Variants in DNAJB6 observed in about 807,000 individuals in gnomAD.
The protein encoded by DNAJB6 is DnaJ heat shock protein family (Hsp40) member B6.
DNAJB6 carries 16 observed loss-of-function variants against 42.7 expected under a neutral mutation model. That is an observed-to-expected ratio of 0.37 (90% CI 0.25 to 0.57). The LOEUF is 0.57. DNAJB6 is among the 20% of genes least tolerant of loss of function. DNAJB6 has a pLI of 0.74. For synonymous variants in DNAJB6, 170 were observed against 163.5 expected, an observed-to-expected ratio of 1.04 and a Z score of -0.30; for missense variants, 347 against 416.8, an observed-to-expected ratio of 0.83 and a Z score of 1.46.
intron 3 of DNAJB6, among the ~76,000 whole-genome samples, chr7:157,364,454 T>G (rs996177452): frequency 6.6e-6 from 1 of 152,184 alleles, no homozygotes; most frequent in Non-Finnish European, 1.5e-5. Flanking sequence ...GAAAGTTTAT[T>G]TTTTTTAAAG....
At chr7:157,371,168 C>T (rs761767042) in intron 5 of DNAJB6, among the ~76,000 whole-genome samples, 1 of 152,200 alleles carries the variant, frequency 6.6e-6, no homozygotes, top group Non-Finnish European at 1.5e-5. Context: ...CTACCCCAAC[C>T]CATCACCCAC....
chr7:157,365,136 T>C (rs1337603162), intron 3 of DNAJB6, among the ~76,000 whole-genome samples: 1 of 152,208 alleles, frequency 6.6e-6, no homozygotes, highest in African/African-American at 2.4e-5. Context: ...GTATTGTGTT[T>C]AAAGGTGGGA....
Position 157,409,284 on chromosome 7 carries a change from G to C in DNAJB6, c.692-511G>C, listed in dbSNP as rs193272382. Among the ~76,000 whole-genome samples the C allele has an allele frequency of 1.5e-3, 228 of 152,330 alleles. 2 individuals carry two copies. The highest frequency in any genetic ancestry group is 6.2e-3 in the South Asian group (30 of 4,832). On this transcript the variant is annotated intron_variant, in intron 8 of 9. Coordinates refer to ENST00000262177, the MANE Select transcript of DNAJB6 (RefSeq NM_058246.4). ...GAGCTGGAGCTGCACTGGAGTGGCC[G>C]GGATGGCCCTGCCTTGGGCGGGGCT...
intron 8 of DNAJB6, among the ~76,000 whole-genome samples, chr7:157,406,946 G>A (rs1015233247): frequency 1.3e-5 from 2 of 152,232 alleles, no homozygotes; most frequent in African/African-American, 4.8e-5. Flanking sequence ...TTTGAGGGCG[G>A]GAAGCCCTGG....
chr7:157,389,632 C>CTAAAGTG (rs1177532813), intron 8 of DNAJB6, among the ~76,000 whole-genome samples: 2 of 152,174 alleles, frequency 1.3e-5, no homozygotes, highest in Non-Finnish European at 2.9e-5. Context: ...GGCCTTGGTA[C>CTAAAGTG]TAAAGTGTGA....
chr7:157,383,253 G>A (rs928103067), intron 6 of DNAJB6, among the ~76,000 whole-genome samples: 7 of 152,226 alleles, frequency 4.6e-5, no homozygotes, highest in African/African-American at 1.2e-4. Flanking sequence ...GGATCCACCC[G>A]TCTTGGCCTC....
chr7:157,345,587 T>A (rs2116873103), intron 1 of DNAJB6, among the ~76,000 whole-genome samples: 1 of 152,308 alleles, frequency 6.6e-6, no homozygotes, highest in Non-Finnish European at 1.5e-5. Context: ...GTTGTTTCAC[T>A]CCTGTGTCTT....
chr7:157,369,291 ATC>A (rs958769971), intron 5 of DNAJB6: 43 of 456,624 alleles, frequency 9.4e-5, no homozygotes, highest in African/African-American at 8.4e-4. Flanking sequence ...TTACGGATTG[ATC>A]TCTGTCTTAA....
chr7:157,358,438 G>A (rs1318995048), intron 1 of DNAJB6, 109 bp from the exon 2 acceptor site: 4 of 669,818 alleles, frequency 6.0e-6, no homozygotes, highest in Non-Finnish European at 1.1e-5. Context: ...CTGTAGGCCA[G>A]TAGGTGCTAA....
chr7:157,389,306 G>T (rs1217177620), intron 8 of DNAJB6, among the ~76,000 whole-genome samples: 2 of 152,194 alleles, frequency 1.3e-5, no homozygotes, highest in Non-Finnish European at 2.9e-5. Context: ...ATTTGCAGAG[G>T]ATTCAACGGT....
intron 8 of DNAJB6, among the ~76,000 whole-genome samples, chr7:157,392,182 C>T (rs1801378858): frequency 6.6e-6 from 1 of 151,370 alleles, no homozygotes; most frequent in Admixed American, 6.6e-5. Flanking sequence ...GGGTCTGTGT[C>T]CTCACGCTTG....
At chr7:157,379,320 A>T (rs540621896) in intron 5 of DNAJB6, 1 of 152,322 alleles carries the variant, frequency 6.6e-6, no homozygotes, top group East Asian at 1.9e-4. Context: ...GTTGCCATGG[A>T]TTTAAAGAAA....
chr7:157,342,015 C>T (rs912157444), intron 1 of DNAJB6, among the ~76,000 whole-genome samples: 4 of 151,910 alleles, frequency 2.6e-5, no homozygotes, highest in South Asian at 2.1e-4. Flanking sequence ...TACAGGCGTT[C>T]GCCACTACAC....
chr7:157,366,420 T>A, intron 3 of DNAJB6, 82 bp from the exon 4 acceptor site: 6 of 1,302,012 alleles, frequency 4.6e-6, no homozygotes, highest in Non-Finnish European at 5.5e-6. Flanking sequence ...GAAAACTGAT[T>A]TACAACTGGG....
In DNAJB6 at chr7:157,401,832, C is replaced by T. The variant is rs528211939; in HGVS notation, c.692-7963C>T. ...TCTGCAGCAGCGGCCCTCCTGCCGCCGTCTCCACGCGCCCTTCCCAGACCT... is the reference window on the plus strand; with the variant it reads ...TCTGCAGCAGCGGCCCTCCTGCCGCTGTCTCCACGCGCCCTTCCCAGACCT... On this transcript the variant is annotated intron_variant, in intron 8 of 9. Transcript: ENST00000262177. Among the ~76,000 whole-genome samples the T allele has an allele frequency of 4.6e-5, 7 of 152,326 alleles. No homozygotes were observed. The East Asian group carries it at 7.7e-4, about 17-fold the overall frequency.
intron 2 of DNAJB6, among the ~76,000 whole-genome samples, chr7:157,361,072 T>C (rs1284382145): frequency 6.6e-6 from 1 of 152,198 alleles, no homozygotes; most frequent in Non-Finnish European, 1.5e-5. Context: ...TGCACACTAA[T>C]CATTTTTTCT....
At chr7:157,387,832 T>TTTTG (rs372553414) in intron 8 of DNAJB6, among the ~76,000 whole-genome samples, 92 of 151,944 alleles carry the variant, frequency 6.1e-4, no homozygotes, top group East Asian at 3.5e-3. Context: ...AAAACTACTG[T>TTTTG]TTTGTTTGTT....
At chr7:157,391,096 A>T (rs142606038) in intron 8 of DNAJB6, among the ~76,000 whole-genome samples, 1 of 152,230 alleles carries the variant, frequency 6.6e-6, no homozygotes, top group African/African-American at 2.4e-5. Flanking sequence ...TTGGCCTCCC[A>T]GAGTGCTGGG....
intron 5 of DNAJB6, among the ~76,000 whole-genome samples, chr7:157,372,533 T>C (rs1053965176): frequency 6.6e-6 from 1 of 152,188 alleles, no homozygotes; most frequent in Non-Finnish European, 1.5e-5. Context: ...ACAGTGTATC[T>C]AGAATAAAAT....
Sources: gnomAD v4.1 joint callset for allele counts (sites outside exome capture counted in the v4.1 genomes callset) on GRCh38, gnomAD v4.1.1 for gene constraint, MANE v1.5 for transcripts, NCBI Gene and HGNC (gene_info 2026-07-23, HGNC 2026-07-21) for gene names.